The following GMDS variants were observed in gnomAD, a reference collection of about 807,000 sequenced individuals.
The protein encoded by GMDS is GDP-mannose 4,6-dehydratase, also known as GDP-mannose 4,6 dehydratase.
Under a neutral mutation model 49.9 loss-of-function variants are expected in GMDS, and 20 were observed. The ratio of observed to expected loss-of-function variants is 0.40; its 90% CI spans 0.28 to 0.58. The LOEUF (loss-of-function observed/expected upper bound fraction) is 0.58. Among genes scored for constraint, GMDS ranks in the 20% least tolerant of loss-of-function variants. GMDS has a pLI of 0.42. For missense variants in GMDS, 362 were observed against 481.4 expected (o/e 0.75, Z 2.32); for synonymous variants, 177 against 178.6 (o/e 0.99, Z 0.07).
intron 7 of GMDS, among the ~76,000 whole-genome samples, chr6:1,789,141 G>A (rs142123853): frequency 5.9e-5 from 9 of 152,320 alleles, no homozygotes; most frequent in African/African-American, 1.9e-4. Context: ...AGCAGGGGAC[G>A]GTCTGGAAGG....
At chr6:2,083,952 T>C (rs904904056) in intron 4 of GMDS, among the ~76,000 whole-genome samples, 1 of 152,202 alleles carries the variant, frequency 6.6e-6, no homozygotes, top group East Asian at 1.9e-4. Context: ...ATATATAATA[T>C]TTAAGTTATA....
chr6:1,658,051 G>T (rs1187913281), intron 9 of GMDS, among the ~76,000 whole-genome samples: 4 of 152,190 alleles, frequency 2.6e-5, no homozygotes, highest in African/African-American at 7.2e-5. Context: ...AGTGCCGGGG[G>T]TGTGTGTTTG....
chr6:1,862,748 A>G (rs536734181), intron 7 of GMDS, among the ~76,000 whole-genome samples: 1 of 152,186 alleles, frequency 6.6e-6, no homozygotes, highest in Non-Finnish European at 1.5e-5. Context: ...CATACTTCTT[A>G]TTATGTTGTG....
At chr6:1,714,769 C>T (rs566007530) in intron 9 of GMDS, among the ~76,000 whole-genome samples, 4 of 152,362 alleles carry the variant, frequency 2.6e-5, no homozygotes, top group Admixed American at 1.3e-4. Flanking sequence ...ACCTTGGATG[C>T]CTTTTGCATA....
At chr6:1,662,784 T>C (rs530198857) in intron 9 of GMDS, among the ~76,000 whole-genome samples, 2 of 152,352 alleles carry the variant, frequency 1.3e-5, no homozygotes, top group East Asian at 1.9e-4. Context: ...ATTTAGGGCT[T>C]ACTGCTGCAT....
At chr6:1,740,556 C>CAAA (rs557749479) in intron 8 of GMDS, among the ~76,000 whole-genome samples, 4 of 66,554 alleles carry the variant, frequency 6.0e-5, no homozygotes, top group African/African-American at 1.6e-4. Flanking sequence ...GACTCCGTCT[C>CAAA]AAAAAAAAAA....
At chr6:1,772,807 G>A (rs1768634043) in intron 7 of GMDS, among the ~76,000 whole-genome samples, 1 of 152,170 alleles carries the variant, frequency 6.6e-6, no homozygotes, top group Non-Finnish European at 1.5e-5. Context: ...TCTGTAGGTG[G>A]TGGCTTGTCA....
intron 7 of GMDS, among the ~76,000 whole-genome samples, chr6:1,904,624 G>T (rs529064046): frequency 6.6e-6 from 1 of 152,314 alleles, no homozygotes; most frequent in Admixed American, 6.5e-5. Context: ...CTGTGTCCTT[G>T]AGCGTGGGTT....
intron 7 of GMDS, among the ~76,000 whole-genome samples, chr6:1,796,383 G>A (rs539361240): frequency 6.6e-6 from 1 of 152,204 alleles, no homozygotes; most frequent in Non-Finnish European, 1.5e-5. Flanking sequence ...ACTACTCTTA[G>A]TGTATTTTCA....
At chr6:2,146,807 AAT>A (rs1776581567) in intron 1 of GMDS, among the ~76,000 whole-genome samples, 1 of 152,170 alleles carries the variant, frequency 6.6e-6, no homozygotes, top group Admixed American at 6.5e-5. Context: ...CTTCTACTAC[AAT>A]ACACAAAGTA....
intron 7 of GMDS, among the ~76,000 whole-genome samples, chr6:1,828,615 G>A (rs1382992934): frequency 6.6e-6 from 1 of 152,184 alleles, no homozygotes; most frequent in African/African-American, 2.4e-5. Flanking sequence ...TATCTTGGAG[G>A]TAAGAAGGCC....
intron 9 of GMDS, among the ~76,000 whole-genome samples, chr6:1,661,200 T>C (rs1385927094): frequency 6.7e-6 from 1 of 149,834 alleles, no homozygotes; most frequent in African/African-American, 2.5e-5. Context: ...ACTGATACCT[T>C]TTTCAATTAT....
intron 7 of GMDS, among the ~76,000 whole-genome samples, chr6:1,746,941 C>T (rs1581542294): frequency 6.6e-6 from 1 of 152,268 alleles, no homozygotes; most frequent in Non-Finnish European, 1.5e-5. Flanking sequence ...ACCTTGTGAT[C>T]TGCCGGCCTC....
chr6:1,904,427 A>C (rs1295443856), intron 7 of GMDS, among the ~76,000 whole-genome samples: 1 of 152,204 alleles, frequency 6.6e-6, no homozygotes, highest in Non-Finnish European at 1.5e-5. Flanking sequence ...CCTCGGCAAC[A>C]CCAACAACTG....
chr6:1,966,792 TA>T (rs1268051224), intron 4 of GMDS, among the ~76,000 whole-genome samples: 3 of 152,144 alleles, frequency 2.0e-5, no homozygotes, highest in Admixed American at 2.0e-4. Context: ...TGTCTGTAAA[TA>T]GCACCCATTC....
intron 7 of GMDS, among the ~76,000 whole-genome samples, chr6:1,828,844 T>C (rs1315148572): frequency 6.6e-6 from 1 of 152,092 alleles, no homozygotes; most frequent in Admixed American, 6.5e-5. Flanking sequence ...ACATGGAGGG[T>C]TAGGGGTGCC....
intron 4 of GMDS, among the ~76,000 whole-genome samples, chr6:2,008,931 A>G (rs1169168906): frequency 6.6e-6 from 1 of 152,212 alleles, no homozygotes; most frequent in African/African-American, 2.4e-5. Context: ...ACTCTATGAA[A>G]AGCAAGTTGC....
intron 1 of GMDS, among the ~76,000 whole-genome samples, chr6:2,132,697 C>T (rs1478779078): frequency 6.6e-6 from 1 of 152,164 alleles, no homozygotes; most frequent in Non-Finnish European, 1.5e-5. Context: ...AATAAATCAC[C>T]ACACGAGCAT....
intron 7 of GMDS, among the ~76,000 whole-genome samples, chr6:1,775,726 T>A (rs1427985465): frequency 1.3e-5 from 2 of 152,206 alleles, no homozygotes; most frequent in East Asian, 3.8e-4. Context: ...AAGTTTTTTG[T>A]TTTTCTTCTA....
Sources: allele counts gnomAD v4.1 joint callset (sites outside exome capture counted in the v4.1 genomes callset), GRCh38; gene constraint gnomAD v4.1.1; transcripts MANE v1.5; gene names NCBI Gene and HGNC (gene_info 2026-07-23, HGNC 2026-07-21).